Variants in TNRC18 observed in about 807,000 individuals in gnomAD.
TNRC18 encodes the protein trinucleotide repeat-containing gene 18 protein.
Under a neutral mutation model 226.7 loss-of-function variants are expected in TNRC18, and 69 were observed. That is an observed-to-expected ratio of 0.30 (90% CI 0.25 to 0.37). TNRC18 has a LOEUF of 0.37. TNRC18 is among the 10% of genes least tolerant of loss of function. The pLI is 1.00. For missense variants in TNRC18, 4,754 were observed against 4,256.6 expected (o/e 1.12, Z -3.25); for synonymous variants, 2,449 against 1,927.6 (o/e 1.27, Z -7.09).
At chr7:5,349,758 G>A (rs1451493146) in intron 17 of TNRC18, among the ~76,000 whole-genome samples, 1 of 152,194 alleles carries the variant, frequency 6.6e-6, no homozygotes, top group African/African-American at 2.4e-5. Flanking sequence ...AAGGGTGGAG[G>A]GATGGTCGGG....
At chr7:5,379,493 C>A (rs1779247970) in intron 5 of TNRC18, among the ~76,000 whole-genome samples, 2 of 151,892 alleles carry the variant, frequency 1.3e-5, no homozygotes, top group Non-Finnish European at 2.9e-5. Flanking sequence ...GTGGGAGATG[C>A]TACCGGGCTC....
chr7:5,402,083 G>A (rs1408888093), intron 2 of TNRC18, among the ~76,000 whole-genome samples: 1 of 151,382 alleles, frequency 6.6e-6, no homozygotes, highest in African/African-American at 2.4e-5. Context: ...GGAGGCTGAG[G>A]CAGGAGAACG....
At position 5,387,006 on chromosome 7, in the gene TNRC18, G is replaced by A. The variant is rs12666408; in HGVS notation, c.2152+666C>T. ...GGAGAATCACTTGAACTTGGGAGGC[G>A]GAGGTTGCGGTGAGCTGAGATCGTG... On this transcript the variant is annotated intron_variant, in intron 5 of 29. Transcript: ENST00000430969. 3.3e-5 allele frequency among the ~76,000 whole-genome samples: 5 copies of A among 152,070 alleles called. 1 individual carries two copies. Among genetic ancestry groups the A allele is most frequent in the South Asian group, 4.1e-4 (2 of 4,826 alleles).
chr7:5,374,504 C>T lies in TNRC18; in HGVS notation c.2800-20G>A, dbSNP rs752798724. On this transcript the variant is annotated intron_variant, in intron 9 of 29. Coordinates refer to ENST00000430969, the MANE Select transcript of TNRC18 (RefSeq NM_001080495.3). ...CTCCTGCTGGGAAGGGGCCGGCAGG[C>T]AGGGTCAGCACGGCACGAGTTTCCC... 4 of 1,538,456 alleles carry T rather than the reference C, an allele frequency of 2.6e-6. No homozygotes were observed. Among genetic ancestry groups the T allele is most frequent in the South Asian group, 2.4e-5 (2 of 83,622 alleles).
intron 5 of TNRC18, among the ~76,000 whole-genome samples, chr7:5,386,433 C>T (rs1779794798): frequency 6.6e-6 from 1 of 151,422 alleles, no homozygotes. Context: ...AAAAATTAGC[C>T]AGGCATGGTG....
Position 5,390,541 on chromosome 7 carries a change from C to G in TNRC18, c.431G>C (p.Ser144Thr), listed in dbSNP as rs1411573242. 1 of 1,613,590 alleles carries G rather than the reference C, an allele frequency of 6.2e-7. No homozygotes were observed. Among genetic ancestry groups the G allele is most frequent in the Non-Finnish European group, 8.5e-7 (1 of 1,179,760 alleles). ...EPPSSGSPLLSQLGQPSIFDT... is the reference protein window; with the variant it reads ...EPPSSGSPLLTQLGQPSIFDT... Reference sequence around the variant, plus strand: ...GAAAATGCTGGGCTGACCCAGCTGGCTGAGGAGGGGGCTCCCACTGCTGGG... The same window carrying G: ...GAAAATGCTGGGCTGACCCAGCTGGGTGAGGAGGGGGCTCCCACTGCTGGG... Residue 144 changes from serine to threonine, a missense_variant, in exon 4 of 30, where the codon AGC becomes ACC. Physicochemically the swap from Ser to Thr is moderately conservative, Grantham distance 58 (BLOSUM62 1). Transcript: ENST00000430969.
intron 2 of TNRC18, among the ~76,000 whole-genome samples, chr7:5,412,491 G>A (rs980299886): frequency 2.6e-5 from 4 of 151,888 alleles, no homozygotes; most frequent in Non-Finnish European, 5.9e-5. Flanking sequence ...CAGGAGAATC[G>A]CTTGAACCCG....
intron 22 of TNRC18, among the ~76,000 whole-genome samples, 152 bp downstream of exon 22, chr7:5,320,921 C>T (rs751573059): frequency 1.3e-5 from 2 of 152,244 alleles, no homozygotes; most frequent in East Asian, 1.9e-4. Flanking sequence ...CCCAGGGCCT[C>T]CCCGTCAGCT....
intron 17 of TNRC18, among the ~76,000 whole-genome samples, chr7:5,349,195 C>G (rs1791525135): frequency 6.6e-6 from 1 of 152,178 alleles, no homozygotes; most frequent in Non-Finnish European, 1.5e-5. Context: ...GACCCTCCCG[C>G]CTCCCTGCGT....
At position 5,394,673 on chromosome 7, in the gene TNRC18, C is replaced by A. The variant is rs1283596674; in HGVS notation, c.188-78G>T. ...CGCCCCAGCCCACCGCCCCGACCCACCGCCCCGAGACCGCCGCCTCTCCCC... is the reference window on the plus strand; with the variant it reads ...CGCCCCAGCCCACCGCCCCGACCCAACGCCCCGAGACCGCCGCCTCTCCCC... On this transcript the variant is annotated intron_variant, in intron 2 of 29. Transcript: ENST00000430969. The surrounding 1 kb of genome is among the most constrained non-coding windows in gnomAD (Gnocchi z 4.5). The A allele has an allele frequency of 8.7e-7, 1 of 1,147,278 alleles. No homozygotes were observed. Among genetic ancestry groups the A allele is most frequent in the Non-Finnish European group, 1.2e-6 (1 of 813,002 alleles). 71.1% of individuals were successfully genotyped at this position (1,147,278 alleles called of 1,614,324 possible). A position where few individuals can be genotyped will look rare whatever the true frequency, so the allele number is the denominator to read the frequency against.
intron 24 of TNRC18, among the ~76,000 whole-genome samples, chr7:5,316,900 G>A (rs1787903359): frequency 6.6e-6 from 1 of 152,126 alleles, no homozygotes; most frequent in Non-Finnish European, 1.5e-5. Context: ...AGGCAGGGCT[G>A]AGGGAGACCT....
chr7:5,324,175 G>A lies in TNRC18; in HGVS notation c.6442+39C>T, dbSNP rs1187950673. On this transcript the variant is annotated intron_variant, in intron 21 of 29. Coordinates refer to ENST00000430969, the MANE Select transcript of TNRC18 (RefSeq NM_001080495.3). This position sits in a 1 kb window ranked among gnomAD's most constrained non-coding sequence, Gnocchi z 4.8. Reference sequence around the variant, plus strand: ...TCTGCCTCCCCCAAGGGAGGCTCCAGCAGCCCCGCCCGGCACATGTGGCAT... The same window carrying A: ...TCTGCCTCCCCCAAGGGAGGCTCCAACAGCCCCGCCCGGCACATGTGGCAT... 1 of 1,553,764 alleles carries A rather than the reference G, an allele frequency of 6.4e-7. No individual in the cohort carries two copies. The highest frequency in any genetic ancestry group is 8.7e-7 in the Non-Finnish European group (1 of 1,153,930).
At chr7:5,345,519 C>CCACA in intron 18 of TNRC18, 43 bp downstream of exon 18, 1 of 174,076 alleles carries the variant, frequency 5.7e-6, no homozygotes, top group Non-Finnish European at 1.2e-5. Context: ...TGGCGTCCGC[C>CCACA]CCTCCCACCC....
chr7:5,332,922 G>A lies in TNRC18; in HGVS notation c.5847C>T (p.Gly1949=). 5 of 1,541,350 alleles carry A rather than the reference G, an allele frequency of 3.2e-6. No individual in the cohort carries two copies. The highest frequency in any genetic ancestry group is 3.5e-6 in the Non-Finnish European group (4 of 1,150,886). The change falls in exon 19 of 30, where the codon GGC becomes GGT. Residue 1949 remains glycine (G), a synonymous_variant. Coordinates refer to ENST00000430969, the MANE Select transcript of TNRC18 (RefSeq NM_001080495.3). ...PGPSLAAPTP[G]ARGPDPSSPD... ...GGCTGCTGGGGTCGGGACCGCGGGC[G>A]CCAGGCGTGGGTGCGGCCAGGGAGG...
chr7:5,338,926 GAAAAAAAAAAA>G (rs778716584), intron 18 of TNRC18, among the ~76,000 whole-genome samples: 3 of 64,332 alleles, frequency 4.7e-5, no homozygotes, highest in South Asian at 6.1e-4. Flanking sequence ...ATCTCAAAAG[GAAAAAAAAAAA>G]AAAAAAAAAA....
intron 2 of TNRC18, among the ~76,000 whole-genome samples, chr7:5,401,406 C>A (rs1010059120): frequency 1.3e-5 from 2 of 152,176 alleles, no homozygotes; most frequent in Non-Finnish European, 2.9e-5. Flanking sequence ...CTGCACACTC[C>A]CGCCTGTCTA....
rs1478416283 is a variant in TNRC18 at position 5,316,041 on chromosome 7, C to A, written c.6777G>T (p.Leu2259Phe). ...GLLDLEDDGD[L>F]ITVEFDDGDT... ...CTCCGTCGTCAAACTCCACGGTGAT[C>A]AAGTCCCCATCGTCCTCCAGGTCCA... is the stretch of plus-strand genomic sequence containing the variant. Residue 2259 changes from leucine to phenylalanine, a missense_variant, in exon 25 of 30, where the codon TTG becomes TTT. Leu to Phe is a conservative substitution (Grantham distance 22). Transcript: ENST00000430969. 1.2e-6 allele frequency: 2 copies of A among 1,610,176 alleles called. No individual in the cohort carries two copies. The highest frequency in any genetic ancestry group is 2.2e-5 in the South Asian group (2 of 90,480).
At chr7:5,336,560 A>G (rs543468787) in intron 18 of TNRC18, among the ~76,000 whole-genome samples, 63 of 148,472 alleles carry the variant, frequency 4.2e-4, no homozygotes, top group Non-Finnish European at 7.0e-4. Flanking sequence ...TGGGCAACAT[A>G]GCAAGACTCT....
chr7:5,352,894 A>T (rs1426156548), intron 16 of TNRC18, among the ~76,000 whole-genome samples: 1 of 152,226 alleles, frequency 6.6e-6, no homozygotes, highest in Non-Finnish European at 1.5e-5. Context: ...TAATCCCCTG[A>T]TCTGCTGAAA....
Sources: allele counts gnomAD v4.1 joint callset (sites outside exome capture counted in the v4.1 genomes callset), GRCh38; gene constraint gnomAD v4.1.1; non-coding constraint Gnocchi (gnomAD v3.1); transcripts MANE v1.5; gene names NCBI Gene and HGNC (gene_info 2026-07-23, HGNC 2026-07-21).